The following TIAM1 variants were observed in gnomAD, a reference collection of about 807,000 sequenced individuals.
The protein encoded by TIAM1 is TIAM Rac1 associated GEF 1.
A neutral mutation model predicts 163.5 loss-of-function variants in TIAM1; 65 were observed. That is an observed-to-expected ratio of 0.40 (90% CI 0.33 to 0.49). The LOEUF is 0.49. Ranked by LOEUF, TIAM1 falls within the 20% of genes least tolerant of loss-of-function variation. The pLI is 0.77. For synonymous variants in TIAM1, 833 were observed against 810.1 expected (o/e 1.03, Z -0.48); for missense variants, 1,789 against 2,044.7 (o/e 0.87, Z 2.41).
intron 2 of TIAM1, among the ~76,000 whole-genome samples, chr21:31,299,079 G>C (rs902193542): frequency 1.5e-4 from 23 of 152,266 alleles, no homozygotes; most frequent in African/African-American, 5.5e-4. Flanking sequence ...AAAAACATCA[G>C]CAACCACAGA....
chr21:31,509,078 A>G (rs1478475992), intron 1 of TIAM1, among the ~76,000 whole-genome samples: 1 of 152,052 alleles, frequency 6.6e-6, no homozygotes. Flanking sequence ...CAGGCCACTG[A>G]TTTTCCATGA....
At chr21:31,134,854 C>G (rs1209870197) in intron 23 of TIAM1, among the ~76,000 whole-genome samples, 1 of 152,090 alleles carries the variant, frequency 6.6e-6, no homozygotes, top group Non-Finnish European at 1.5e-5. Flanking sequence ...GCTACAGGGG[C>G]TCTTTGGAAA....
chr21:31,295,953 G>T (rs554946421), intron 2 of TIAM1, among the ~76,000 whole-genome samples: 32 of 151,972 alleles, frequency 2.1e-4, no homozygotes, highest in Admixed American at 6.6e-4. Context: ...ATACAACACC[G>T]CTCCTGGCTA....
At chr21:31,354,892 G>A (rs975876161) in intron 2 of TIAM1, among the ~76,000 whole-genome samples, 1 of 152,120 alleles carries the variant, frequency 6.6e-6, no homozygotes, top group Non-Finnish European at 1.5e-5. Context: ...GCTGGCAGAC[G>A]CCAAGATAAG....
chr21:31,227,751 T>C (rs1242532254), intron 6 of TIAM1, among the ~76,000 whole-genome samples: 3 of 152,182 alleles, frequency 2.0e-5, no homozygotes, highest in Non-Finnish European at 4.4e-5. Flanking sequence ...TAGTTTGTCC[T>C]TACATATCAT....
At chr21:31,513,326 AAAGTT>A (rs1295449852) in intron 1 of TIAM1, among the ~76,000 whole-genome samples, 3 of 152,222 alleles carry the variant, frequency 2.0e-5, no homozygotes, top group Non-Finnish European at 4.4e-5. Flanking sequence ...CTACCTGCCC[AAAGTT>A]AAGAGCTGGG....
chr21:31,445,675 C>G (rs1007023629), intron 2 of TIAM1, among the ~76,000 whole-genome samples: 1 of 152,062 alleles, frequency 6.6e-6, no homozygotes. Context: ...ATCAGGAGAC[C>G]CAGGAGATCC....
chr21:31,225,707 AAC>A lies in TIAM1; in HGVS notation c.1809+17_1809+18del, dbSNP rs766263847. 3.3e-5 allele frequency: 53 copies of A among 1,603,740 alleles called. 1 individual carries two copies. The highest frequency in any genetic ancestry group is 4.2e-5 in the Non-Finnish European group (50 of 1,177,800). On this transcript the variant is annotated intron_variant, in intron 7 of 27. Coordinates refer to ENST00000541036, the MANE Select transcript of TIAM1 (RefSeq NM_001353694.2). ...GACCTAACAATTTTGTCCGGACCTA[AAC>A]ACGGAAGAACGATTACCTGATCTAA... is the stretch of plus-strand genomic sequence containing the variant.
intron 13 of TIAM1, among the ~76,000 whole-genome samples, chr21:31,191,044 G>C (rs180824956): frequency 1.3e-5 from 2 of 152,148 alleles, no homozygotes; most frequent in African/African-American, 2.4e-5. Flanking sequence ...CTGAGGACTG[G>C]GGGAATGTTT....
intron 2 of TIAM1, among the ~76,000 whole-genome samples, chr21:31,357,551 G>A (rs961351537): frequency 2.6e-5 from 4 of 152,088 alleles, no homozygotes; most frequent in African/African-American, 2.4e-5. Context: ...GCTCACTCAA[G>A]GGCAATGTTT....
At chr21:31,513,056 T>C (rs1896347503) in intron 1 of TIAM1, among the ~76,000 whole-genome samples, 1 of 152,248 alleles carries the variant, frequency 6.6e-6, no homozygotes, top group Admixed American at 6.5e-5. Context: ...AACTGCTCTA[T>C]GCTAAAAATT....
chr21:31,240,956 A>C (rs545932206), intron 6 of TIAM1, among the ~76,000 whole-genome samples: 1 of 152,316 alleles, frequency 6.6e-6, no homozygotes, highest in African/African-American at 2.4e-5. Context: ...GTAGGTAATC[A>C]AATCATGGGT....
chr21:31,299,187 TTATAA>T (rs1204432716), intron 2 of TIAM1, among the ~76,000 whole-genome samples: 2 of 152,188 alleles, frequency 1.3e-5, no homozygotes, highest in African/African-American at 4.8e-5. Context: ...CAAAAATAAT[TTATAA>T]TATGATAGGC....
At chr21:31,339,682 T>C (rs1352442787) in intron 1 of TIAM1, among the ~76,000 whole-genome samples, 1 of 152,210 alleles carries the variant, frequency 6.6e-6, no homozygotes, top group Non-Finnish European at 1.5e-5. Context: ...CAAAATCTCA[T>C]AGTTAATGGA....
intron 2 of TIAM1, among the ~76,000 whole-genome samples, chr21:31,380,259 A>G (rs1301254797): frequency 6.6e-6 from 1 of 152,188 alleles, no homozygotes; most frequent in Non-Finnish European, 1.5e-5. Context: ...CTTTGTCTCA[A>G]ACAATAAATG....
chr21:31,182,595 C>A lies in TIAM1; in HGVS notation c.2713G>T (p.Ala905Ser). ...ILEINNRAADALNSSMLKDFL... is the reference protein window; with the variant it reads ...ILEINNRAADSLNSSMLKDFL... ...TCTTTGAGCATAGAAGAGTTCAGGGCGTCAGCAGCACGATTATTGATCTCA... is the reference window on the plus strand; with the variant it reads ...TCTTTGAGCATAGAAGAGTTCAGGGAGTCAGCAGCACGATTATTGATCTCA... Residue 905 changes from alanine to serine, a missense_variant, in exon 15 of 28, where the codon GCC (alanine) becomes TCC (serine). Transcript: ENST00000541036. The A allele has an allele frequency of 6.2e-7, 1 of 1,613,960 alleles. No individual in the cohort carries two copies. The highest frequency in any genetic ancestry group is 8.5e-7 in the Non-Finnish European group (1 of 1,179,926).
chr21:31,178,035 G>A (rs1005639244), intron 15 of TIAM1, among the ~76,000 whole-genome samples: 4 of 152,116 alleles, frequency 2.6e-5, no homozygotes, highest in Admixed American at 2.0e-4. Flanking sequence ...AGTCCATCCT[G>A]CCCGTTGTAC....
intron 25 of TIAM1, among the ~76,000 whole-genome samples, chr21:31,127,866 T>C (rs1269695872): frequency 5.9e-5 from 9 of 152,182 alleles, no homozygotes; most frequent in Admixed American, 5.9e-4. Context: ...AAGCCTTTGC[T>C]GTCTGTTAAG....
chr21:31,460,756 C>G (rs1379105041), intron 2 of TIAM1, among the ~76,000 whole-genome samples: 2 of 152,194 alleles, frequency 1.3e-5, no homozygotes. Context: ...CATTATGACA[C>G]CAATTATATC....
Sources: gnomAD v4.1 joint callset for allele counts (sites outside exome capture counted in the v4.1 genomes callset) on GRCh38, gnomAD v4.1.1 for gene constraint, MANE v1.5 for transcripts, NCBI Gene and HGNC (gene_info 2026-07-23, HGNC 2026-07-21) for gene names.